ADAMTSL3: variants seen among roughly 807,000 people sequenced by gnomAD.
ADAMTSL3 encodes ADAMTS-like protein 3.
ADAMTSL3 carries 128 observed loss-of-function variants against 201.7 expected under a neutral mutation model. That is an observed-to-expected ratio of 0.63 (90% CI 0.55 to 0.73). The LOEUF is 0.73. ADAMTSL3 is among the 30% of genes least tolerant of loss of function. The pLI is 0.00. For synonymous variants in ADAMTSL3, 738 were observed against 748.4 expected (o/e 0.99, Z 0.23); for missense variants, 1,990 against 2,119.6 (o/e 0.94, Z 1.20).
At chr15:83,704,593 T>C in intron 3 of ADAMTSL3, 85 bp downstream of exon 3, 2 of 1,546,724 alleles carry the variant, frequency 1.3e-6, no homozygotes, top group Non-Finnish European at 1.8e-6. Flanking sequence ...TTCAAAGTAA[T>C]TATATTTTCC....
At chr15:83,726,985 A>G (rs552795355) in intron 3 of ADAMTSL3, among the ~76,000 whole-genome samples, 2 of 152,052 alleles carry the variant, frequency 1.3e-5, no homozygotes, top group African/African-American at 4.8e-5. Flanking sequence ...TCTTGTTTAA[A>G]TGTTTGGTAG....
intron 20 of ADAMTSL3, among the ~76,000 whole-genome samples, chr15:83,973,573 G>A (rs542612942): frequency 6.6e-6 from 1 of 152,234 alleles, no homozygotes; most frequent in African/African-American, 2.4e-5. Context: ...TTTTAGAGGG[G>A]CAATAATGGC....
chr15:83,899,010 T>C (rs2046120), intron 14 of ADAMTSL3, among the ~76,000 whole-genome samples: 1 of 151,940 alleles, frequency 6.6e-6, no homozygotes, highest in Non-Finnish European at 1.5e-5. Context: ...CCACTTTCAT[T>C]GTGTCCATAG....
At chr15:83,800,765 G>C (rs2063503406) in intron 4 of ADAMTSL3, among the ~76,000 whole-genome samples, 1 of 152,142 alleles carries the variant, frequency 6.6e-6, no homozygotes, top group East Asian at 1.9e-4. Flanking sequence ...TTTTACAGCT[G>C]CAAGTCAGCA....
At chr15:83,856,857 T>C (rs1222111454) in intron 7 of ADAMTSL3, among the ~76,000 whole-genome samples, 1 of 152,192 alleles carries the variant, frequency 6.6e-6, no homozygotes, top group African/African-American at 2.4e-5. Flanking sequence ...ATATGGTAAT[T>C]CTATGTTTAA....
chr15:83,774,900 G>A (rs1267525313), intron 4 of ADAMTSL3, among the ~76,000 whole-genome samples: 3 of 151,308 alleles, frequency 2.0e-5, no homozygotes, highest in Non-Finnish European at 2.9e-5. Context: ...AGACTGGAGT[G>A]CAGTGGTGGG....
chr15:83,790,416 G>A (rs2063327387), intron 4 of ADAMTSL3, among the ~76,000 whole-genome samples: 1 of 151,332 alleles, frequency 6.6e-6, no homozygotes. Flanking sequence ...GGAATGTAAG[G>A]CTGTTTCAGT....
intron 3 of ADAMTSL3, among the ~76,000 whole-genome samples, chr15:83,749,712 G>A (rs1456300066): frequency 6.6e-6 from 1 of 152,170 alleles, no homozygotes; most frequent in Non-Finnish European, 1.5e-5. Flanking sequence ...AGATGTAGAG[G>A]ATGAATAGTA....
chr15:83,815,735 A>G (rs2063761829), intron 5 of ADAMTSL3, among the ~76,000 whole-genome samples: 1 of 152,262 alleles, frequency 6.6e-6, no homozygotes, highest in South Asian at 2.1e-4. Context: ...GCAGTATTCT[A>G]TAATAGAGTG....
intron 2 of ADAMTSL3, among the ~76,000 whole-genome samples, chr15:83,664,329 A>T (rs114756839): frequency 0.014 from 2,174 of 151,712 alleles, 47 homozygotes; most frequent in African/African-American, 0.049. Context: ...AGCACCTCAG[A>T]GGGGCTTCTG....
At chr15:83,769,801 T>G (rs910827682) in intron 3 of ADAMTSL3, among the ~76,000 whole-genome samples, 1 of 151,390 alleles carries the variant, frequency 6.6e-6, no homozygotes, top group Admixed American at 6.6e-5. Context: ...TTTTTTTTTT[T>G]GGTTAGATGA....
chr15:83,725,721 A>C (rs1167879828), intron 3 of ADAMTSL3, among the ~76,000 whole-genome samples: 1 of 152,010 alleles, frequency 6.6e-6, no homozygotes, highest in Admixed American at 6.6e-5. Context: ...GTATGCATTT[A>C]TATCTGGGTT....
chr15:83,682,903 A>G (rs1488437770), intron 2 of ADAMTSL3, among the ~76,000 whole-genome samples: 4 of 152,188 alleles, frequency 2.6e-5, no homozygotes, highest in Non-Finnish European at 5.9e-5. Context: ...CCTCCCATTA[A>G]CTTTTCTCCC....
At chr15:83,749,753 C>T (rs2062608552) in intron 3 of ADAMTSL3, among the ~76,000 whole-genome samples, 1 of 152,096 alleles carries the variant, frequency 6.6e-6, no homozygotes, top group Admixed American at 6.5e-5. Context: ...GGAAGATGGC[C>T]ATAGACTAGT....
chr15:83,942,593 T>C lies in ADAMTSL3; in HGVS notation c.2118-3T>C. 10 of 1,610,946 alleles carry C rather than the reference T, an allele frequency of 6.2e-6. No individual in the cohort carries two copies. The highest frequency in any genetic ancestry group is 7.6e-6 in the Non-Finnish European group (9 of 1,178,872). On this transcript the variant is annotated splice_region_variant and splice_polypyrimidine_tract_variant and intron_variant, in intron 17 of 29. Transcript: ENST00000286744. ...AACTTTCCCCACTTGTTTTCTGTTT[T>C]AGGTGGCATGTGGGCTCTTGGGGGC...
chr15:83,658,000 G>T (rs1185835935), intron 2 of ADAMTSL3, among the ~76,000 whole-genome samples: 1 of 152,232 alleles, frequency 6.6e-6, no homozygotes, highest in East Asian at 1.9e-4. Flanking sequence ...GTCTACCCTT[G>T]CTTCGTATGT....
intron 3 of ADAMTSL3, among the ~76,000 whole-genome samples, chr15:83,707,204 C>G (rs1365411437): frequency 2.0e-5 from 3 of 152,148 alleles, no homozygotes; most frequent in Admixed American, 2.0e-4. Flanking sequence ...ACTTCCCTGT[C>G]CCTTAATTTT....
intron 3 of ADAMTSL3, among the ~76,000 whole-genome samples, chr15:83,751,870 T>C (rs1214561886): frequency 6.6e-6 from 1 of 152,014 alleles, no homozygotes; most frequent in East Asian, 1.9e-4. Context: ...CAACAATAGT[T>C]TGGGGGCAAA....
At chr15:83,924,277 A>T (rs1045393567) in intron 17 of ADAMTSL3, among the ~76,000 whole-genome samples, 4 of 152,226 alleles carry the variant, frequency 2.6e-5, no homozygotes, top group African/African-American at 9.6e-5. Context: ...GAATGAACAT[A>T]AACTGGCCTG....
Sources: allele counts gnomAD v4.1 joint callset (sites outside exome capture counted in the v4.1 genomes callset), GRCh38; gene constraint gnomAD v4.1.1; transcripts MANE v1.5; gene names NCBI Gene and HGNC (gene_info 2026-07-23, HGNC 2026-07-21).